Variants in HPSE2 observed in about 807,000 individuals in gnomAD.
The protein encoded by HPSE2 is inactive heparanase-2.
Under a neutral mutation model 60.5 loss-of-function variants are expected in HPSE2, and 38 were observed. That is an observed-to-expected ratio of 0.63 (90% CI 0.48 to 0.82). HPSE2 has a LOEUF of 0.82. Ranked by LOEUF, HPSE2 falls within the 40% of genes least tolerant of loss-of-function variation. The pLI, the probability that HPSE2 is intolerant of heterozygous loss-of-function variation, is 0.00. For synonymous variants in HPSE2, 295 were observed against 293.2 expected (o/e 1.01, Z -0.06); for missense variants, 713 against 740.4 (o/e 0.96, Z 0.43).
intron 9 of HPSE2, among the ~76,000 whole-genome samples, chr10:98,562,818 T>C (rs1372490452): frequency 6.6e-6 from 1 of 152,178 alleles, no homozygotes; most frequent in African/African-American, 2.4e-5. Context: ...CAAATTTCTC[T>C]TGAGGATTAG....
intron 2 of HPSE2, among the ~76,000 whole-genome samples, chr10:99,207,800 T>C (rs1848809643): frequency 1.3e-5 from 2 of 151,816 alleles, no homozygotes; most frequent in African/African-American, 4.8e-5. Flanking sequence ...GTAGGTTTAA[T>C]AGCCACCCCC....
At chr10:98,829,209 T>C (rs1437496042) in intron 3 of HPSE2, among the ~76,000 whole-genome samples, 3 of 152,090 alleles carry the variant, frequency 2.0e-5, no homozygotes, top group African/African-American at 7.2e-5. Flanking sequence ...TATTGTTTAA[T>C]GAATAAAGAG....
At chr10:98,657,714 CTT>C (rs370219955) in intron 6 of HPSE2, among the ~76,000 whole-genome samples, 43 of 152,328 alleles carry the variant, frequency 2.8e-4, no homozygotes, top group African/African-American at 1.0e-3. Flanking sequence ...TAAAAACACT[CTT>C]TGTCAGATAA....
intron 6 of HPSE2, among the ~76,000 whole-genome samples, chr10:98,647,318 G>C (rs1378324085): frequency 6.6e-6 from 1 of 152,204 alleles, no homozygotes; most frequent in African/African-American, 2.4e-5. Flanking sequence ...GTTGGCTCCA[G>C]GGGCAGCTGG....
chr10:98,542,284 AAACT>A (rs1187250631), intron 9 of HPSE2, among the ~76,000 whole-genome samples: 2 of 152,216 alleles, frequency 1.3e-5, no homozygotes, highest in Non-Finnish European at 1.5e-5. Flanking sequence ...GCTAGAAGGA[AAACT>A]AACAAACAGA....
rs189223873 is a variant in HPSE2 at position 98,932,818 on chromosome 10, T to C, written c.611-188762A>G. ...GTTTGTATTTCTCTAGGGTCAGTGA[T>C]GGTATCCCCCTTATTATTTCTGATT... is the stretch of plus-strand genomic sequence containing the variant. On this transcript the variant is annotated intron_variant, in intron 3 of 11. Coordinates refer to ENST00000370552, the MANE Select transcript of HPSE2 (RefSeq NM_021828.5). Among the ~76,000 whole-genome samples, 149 of 143,888 alleles carry C rather than the reference T, an allele frequency of 1.0e-3. 33 individuals are homozygous for C. The highest frequency in any genetic ancestry group is 4.0e-3 in the African/African-American group (141 of 35,418). 94.4% of individuals were successfully genotyped at this position (143,888 alleles called of 152,430 possible).
At chr10:98,600,884 C>CGT (rs1945389104) in intron 9 of HPSE2, among the ~76,000 whole-genome samples, 1 of 31,720 alleles carries the variant, frequency 3.2e-5, no homozygotes, top group South Asian at 1.3e-3. Flanking sequence ...TGTATATATA[C>CGT]ATATATACGT....
rs35977879 is a variant in HPSE2 at position 98,514,711 on chromosome 10, GTT to G, written c.1321-24517_1321-24516del. On this transcript the variant is annotated intron_variant, in intron 9 of 11. Coordinates refer to ENST00000370552, the MANE Select transcript of HPSE2 (RefSeq NM_021828.5). ...TCATTTGGCTGTGGTTATATACTTT[GTT>G]TTTTTTTTTTTTTTTTTTTTTTTTA... Among the ~76,000 whole-genome samples, 579 of 67,698 alleles carry G rather than the reference GTT, an allele frequency of 8.6e-3. 6 individuals carry two copies. The highest frequency in any genetic ancestry group is 0.011 in the African/African-American group (204 of 19,058). The allele number at this position is 67,698 out of a possible 152,430, so 44.4% of individuals were successfully genotyped here.
Position 98,614,907 on chromosome 10 carries a change from T to A in HPSE2, c.1317A>T (p.Leu439Phe). 6.2e-7 allele frequency: 1 copy of A among 1,600,278 alleles called. No individual in the cohort carries two copies. The highest frequency in any genetic ancestry group is 1.1e-5 in the South Asian group (1 of 90,768). The part of the protein sequence containing the change: ...NHLVDQNFNP[L>F]PDYWLSLLYK... ...GGAATCTTTATCCCACACTTACTGG[T>A]AATGGGTTAAAATTCTGGTCCACGA... is the stretch of plus-strand genomic sequence containing the variant. Residue 439 changes from leucine (L) to phenylalanine (F), a missense_variant, in exon 9 of 12, where the codon TTA (leucine) becomes TTT (phenylalanine). Physicochemically the swap from Leu to Phe is conservative, Grantham distance 22. Coordinates refer to ENST00000370552, the MANE Select transcript of HPSE2 (RefSeq NM_021828.5).
Position 98,544,699 on chromosome 10 carries a change from C to T in HPSE2, c.1321-54503G>A, listed in dbSNP as rs1326667529. Among the ~76,000 whole-genome samples the T allele has an allele frequency of 4.7e-4, 47 of 100,342 alleles. No homozygotes were observed. In the Admixed American group the frequency reaches 5.6e-3, roughly 12 times the overall value. The allele number at this position is 100,342 out of a possible 152,430, so 65.8% of individuals were successfully genotyped here. The stretch of plus-strand genomic sequence containing the variant: ...CTGCACTCCAGCCTGGGCGACAGAG[C>T]GAGACTCCGTCTCAAAAAAAAAAAA... On this transcript the variant is annotated intron_variant, in intron 9 of 11. Transcript: ENST00000370552.
chr10:98,929,465 C>T lies in HPSE2; in HGVS notation c.611-185409G>A, dbSNP rs111277773. Among the ~76,000 whole-genome samples, 308 of 143,736 alleles carry T rather than the reference C, an allele frequency of 2.1e-3. 60 individuals are homozygous for T. The highest frequency in any genetic ancestry group is 8.6e-3 in the African/African-American group (303 of 35,304). 94.3% of individuals were successfully genotyped at this position (143,736 alleles called of 152,430 possible). A position where few individuals can be genotyped will look rare whatever the true frequency, so the allele number is the denominator to read the frequency against. On this transcript the variant is annotated intron_variant, in intron 3 of 11. Transcript: ENST00000370552. ...CAAGATCCTTTCTGGCCCTATTGAT[C>T]CAGGTTTTTACATACTAAAGCTATC... is the stretch of plus-strand genomic sequence containing the variant.
At chr10:99,306,441 C>G in the HPSE2 span, among the ~76,000 whole-genome samples, 1 of 152,136 alleles carries the variant, frequency 6.6e-6, no homozygotes, top group Non-Finnish European at 1.5e-5. Flanking sequence ...GCCAGTCTCT[C>G]CTCCTTGCTC....
chr10:98,858,420 G>A (rs7919603), intron 3 of HPSE2, among the ~76,000 whole-genome samples: 1 of 152,118 alleles, frequency 6.6e-6, no homozygotes. Context: ...GAAACTAATA[G>A]AAAACCAAAT....
chr10:98,841,587 C>T (rs1298734101), intron 3 of HPSE2, among the ~76,000 whole-genome samples: 5 of 152,128 alleles, frequency 3.3e-5, no homozygotes, highest in African/African-American at 1.2e-4. Flanking sequence ...AGCTATAATG[C>T]ATCTTTGGAA....
At chr10:98,479,865 A>C (rs1388350692) in intron 11 of HPSE2, among the ~76,000 whole-genome samples, 2 of 152,216 alleles carry the variant, frequency 1.3e-5, no homozygotes, top group Non-Finnish European at 2.9e-5. Context: ...TATTTCAACC[A>C]TATTTTCCAA....
intron 11 of HPSE2, among the ~76,000 whole-genome samples, chr10:98,474,491 A>G (rs967062624): frequency 1.3e-5 from 2 of 152,222 alleles, no homozygotes; most frequent in Non-Finnish European, 2.9e-5. Context: ...GAGTATTTTC[A>G]GAACCATTCT....
At chr10:99,245,572 T>C in the HPSE2 span, among the ~76,000 whole-genome samples, 7 of 152,346 alleles carry the variant, frequency 4.6e-5, 1 homozygote, top group East Asian at 3.9e-4. Context: ...GATCATTCTT[T>C]CATTCAATAA....
intron 6 of HPSE2, among the ~76,000 whole-genome samples, chr10:98,645,104 A>C (rs934684937): frequency 6.6e-6 from 1 of 152,230 alleles, no homozygotes; most frequent in Non-Finnish European, 1.5e-5. Context: ...GTCACTGATG[A>C]CCATCAACAT....
intron 3 of HPSE2, among the ~76,000 whole-genome samples, chr10:99,014,585 T>G (rs1192527936): frequency 6.6e-6 from 1 of 152,194 alleles, no homozygotes; most frequent in African/African-American, 2.4e-5. Context: ...TGTATAAGTG[T>G]TCCGTTTTCT....
Sources: allele counts gnomAD v4.1 joint callset (sites outside exome capture counted in the v4.1 genomes callset), GRCh38; gene constraint gnomAD v4.1.1; transcripts MANE v1.5; gene names NCBI Gene and HGNC (gene_info 2026-07-23, HGNC 2026-07-21).